Variants in SUSD1 observed in about 807,000 individuals in gnomAD.
SUSD1 encodes the protein sushi domain containing 1, also known as sushi domain-containing protein 1.
SUSD1 carries 65 observed loss-of-function variants against 86.9 expected under a neutral mutation model. That is an observed-to-expected ratio of 0.75 (90% confidence interval 0.61 to 0.92). The LOEUF (loss-of-function observed/expected upper bound fraction) is 0.92, where lower values mean the gene tolerates loss of function less well. Among genes scored for constraint, SUSD1 ranks in the 40% least tolerant of loss-of-function variants. SUSD1 has a pLI of 0.00. For synonymous variants in SUSD1, 346 were observed against 350.0 expected, an observed-to-expected ratio of 0.99 and a Z score of 0.13; for missense variants, 850 against 929.7, an observed-to-expected ratio of 0.91 and a Z score of 1.11.
intron 5 of SUSD1, among the ~76,000 whole-genome samples, chr9:112,129,059 G>A (rs1422828646): frequency 6.6e-6 from 1 of 151,902 alleles, no homozygotes; most frequent in Non-Finnish European, 1.5e-5. Context: ...GAGAAGAATA[G>A]GAATAAAAAA....
chr9:112,081,607 A>G (rs1302974837), intron 10 of SUSD1, among the ~76,000 whole-genome samples: 1 of 152,228 alleles, frequency 6.6e-6, no homozygotes, highest in Non-Finnish European at 1.5e-5. Context: ...AGACTATACA[A>G]AAAGGTGGAA....
rs944454314 is a variant in SUSD1 at position 112,042,042 on chromosome 9, C to T, written c.2150-82G>A. 3.2e-6 allele frequency: 5 copies of T among 1,567,524 alleles called. No individual in the cohort carries two copies. In the African/African-American group the frequency reaches 6.8e-5, roughly 21 times the overall value. ...AGGCACACACCCCACTGTGCTCAATCCATTTTAACCCAGAGCTTGGCCCCA... is the reference window on the plus strand; with the variant it reads ...AGGCACACACCCCACTGTGCTCAATTCATTTTAACCCAGAGCTTGGCCCCA... On this transcript the variant is annotated intron_variant, in intron 15 of 16. Coordinates refer to ENST00000374270, the MANE Select transcript of SUSD1 (RefSeq NM_022486.5).
At chr9:112,062,718 A>T (rs1001736853) in intron 13 of SUSD1, among the ~76,000 whole-genome samples, 1 of 152,178 alleles carries the variant, frequency 6.6e-6, no homozygotes, top group African/African-American at 2.4e-5. Flanking sequence ...AATAAAATTT[A>T]AATTTTAAAA....
intron 6 of SUSD1, among the ~76,000 whole-genome samples, chr9:112,122,062 G>A (rs2131680535): frequency 6.6e-6 from 1 of 152,318 alleles, no homozygotes; most frequent in African/African-American, 2.4e-5. Flanking sequence ...AAGAAAAACA[G>A]ACTTTATTTC....
chr9:112,114,346 G>C (rs1831223989), intron 6 of SUSD1, among the ~76,000 whole-genome samples: 1 of 152,086 alleles, frequency 6.6e-6, no homozygotes, highest in Non-Finnish European at 1.5e-5. Context: ...AGCTGGGCAT[G>C]GTGGTGCATG....
intron 8 of SUSD1, among the ~76,000 whole-genome samples, chr9:112,108,817 A>G (rs1225270443): frequency 5.4e-5 from 8 of 147,160 alleles, no homozygotes; most frequent in South Asian, 4.2e-4. Flanking sequence ...AAGAAAGAAA[A>G]AAAAAAAGAG....
intron 8 of SUSD1, among the ~76,000 whole-genome samples, chr9:112,111,341 C>T (rs1392530654): frequency 2.0e-5 from 3 of 152,186 alleles, no homozygotes. Flanking sequence ...CATGGCTACC[C>T]TCTGTTGCCT....
In SUSD1 at chr9:112,124,269, A is replaced by G; in HGVS notation, c.874T>C (p.Leu292=). ...ACAGAATCTGTACCTGTGCATGTTA[A>G]AGTACTTTCTCTCCAGGTGCCTTTC... ...TEKGTWREST[L]TCTEILTKIN... Residue 292 remains leucine, a synonymous_variant, in exon 6 of 17, where the codon TTA becomes CTA. Coordinates refer to ENST00000374270, the MANE Select transcript of SUSD1 (RefSeq NM_022486.5). 6.2e-7 allele frequency: 1 copy of G among 1,613,428 alleles called. No homozygotes were observed. The highest frequency in any genetic ancestry group is 1.1e-5 in the South Asian group (1 of 90,978).
At chr9:112,089,755 C>G (rs534805245) in intron 10 of SUSD1, among the ~76,000 whole-genome samples, 1 of 145,166 alleles carries the variant, frequency 6.9e-6, no homozygotes, top group Non-Finnish European at 1.5e-5. Context: ...GAAGTTGCAG[C>G]GAGCTGAGAT....
chr9:112,064,658 C>T (rs552702075), intron 12 of SUSD1, among the ~76,000 whole-genome samples: 13 of 151,404 alleles, frequency 8.6e-5, no homozygotes, highest in African/African-American at 1.4e-4. Context: ...GGCGGATCAC[C>T]GGAGGCCAGG....
chr9:112,132,204 T>C (rs2131716008), intron 5 of SUSD1, among the ~76,000 whole-genome samples: 1 of 152,296 alleles, frequency 6.6e-6, no homozygotes, highest in African/African-American at 2.4e-5. Flanking sequence ...AAGAATCTAG[T>C]AATATAAAGG....
intron 5 of SUSD1, among the ~76,000 whole-genome samples, chr9:112,125,529 C>A (rs1032972231): frequency 6.4e-5 from 9 of 140,530 alleles, no homozygotes; most frequent in Admixed American, 4.2e-4. Context: ...CCAGTTATAC[C>A]TAAACGCAGA....
At chr9:112,159,583 T>C (rs1439134695) in intron 1 of SUSD1, among the ~76,000 whole-genome samples, 3 of 152,052 alleles carry the variant, frequency 2.0e-5, no homozygotes, top group Admixed American at 1.3e-4. Flanking sequence ...AATAATGTAA[T>C]AGAACTATCA....
intron 1 of SUSD1, among the ~76,000 whole-genome samples, chr9:112,166,788 A>G (rs904134226): frequency 6.6e-6 from 1 of 152,198 alleles, no homozygotes; most frequent in African/African-American, 2.4e-5. Flanking sequence ...GGTGGTTGCC[A>G]TGTAGTAACC....
intron 12 of SUSD1, among the ~76,000 whole-genome samples, chr9:112,070,966 GTGGTTTTGTTT>G (rs1365192516): frequency 2.2e-4 from 33 of 152,166 alleles, no homozygotes; most frequent in African/African-American, 8.0e-4. Flanking sequence ...ATGAACCTAA[GTGGTTTTGTTT>G]TGGTTTTGTT....
intron 15 of SUSD1, chr9:112,042,214 A>G: frequency 6.7e-7 from 1 of 1,481,502 alleles, no homozygotes. Flanking sequence ...CAAGGGAGAA[A>G]ACAGCTAATC....
At chr9:112,070,495 A>C (rs1419809273) in intron 12 of SUSD1, among the ~76,000 whole-genome samples, 1 of 152,176 alleles carries the variant, frequency 6.6e-6, no homozygotes, top group Non-Finnish European at 1.5e-5. Flanking sequence ...CAACCTCGTT[A>C]CTGATTTAAA....
At chr9:112,155,243 G>A (rs1310199463) in intron 2 of SUSD1, among the ~76,000 whole-genome samples, 4 of 148,920 alleles carry the variant, frequency 2.7e-5, no homozygotes, top group Admixed American at 1.3e-4. Context: ...CGAGGGAGAC[G>A]CCATCAAAAA....
intron 5 of SUSD1, among the ~76,000 whole-genome samples, chr9:112,132,655 A>C (rs796463845): frequency 7.9e-5 from 12 of 152,282 alleles, no homozygotes; most frequent in African/African-American, 2.6e-4. Flanking sequence ...TACTTACTTC[A>C]TTTGTTTCAT....
Sources: allele counts gnomAD v4.1 joint callset (sites outside exome capture counted in the v4.1 genomes callset), GRCh38; gene constraint gnomAD v4.1.1; transcripts MANE v1.5; gene names NCBI Gene and HGNC (gene_info 2026-07-23, HGNC 2026-07-21).